SLC24A4: variants seen among roughly 807,000 people sequenced by gnomAD.
SLC24A4 encodes the protein sodium/potassium/calcium exchanger 4.
In SLC24A4, 53 loss-of-function variants were observed where a neutral mutation model predicts 79.0. That is an observed-to-expected ratio of 0.67 (90% CI 0.54 to 0.84). SLC24A4 has a LOEUF of 0.84. SLC24A4 is among the 40% of genes least tolerant of loss of function. The pLI is 0.00. For missense variants in SLC24A4, 731 were observed against 822.0 expected, an observed-to-expected ratio of 0.89 and a Z score of 1.35; for synonymous variants, 323 against 323.8, an observed-to-expected ratio of 1.00 and a Z score of 0.03.
At position 92,363,376 on chromosome 14, in the gene SLC24A4, C is replaced by T. The variant is rs145448834; in HGVS notation, c.241+37398C>T. Among the ~76,000 whole-genome samples the T allele has an allele frequency of 4.1e-3, 631 of 152,358 alleles. 4 individuals carry two copies. The highest frequency in any genetic ancestry group is 0.014 in the African/African-American group (592 of 41,592). ...CCAGGCCAGCCTGTGTGCCATGGTC[C>T]ACTGGCTACCAGCAGATGGCCAATG... On this transcript the variant is annotated intron_variant, in intron 2 of 16. Transcript: ENST00000532405.
At chr14:92,473,868 T>C (rs1356165290) in intron 12 of SLC24A4, among the ~76,000 whole-genome samples, 1 of 152,220 alleles carries the variant, frequency 6.6e-6, no homozygotes, top group Non-Finnish European at 1.5e-5. Flanking sequence ...CTTGGGCTAG[T>C]CACAGGCAGG....
At chr14:92,438,855 C>T (rs570490965) in intron 3 of SLC24A4, among the ~76,000 whole-genome samples, 1 of 152,150 alleles carries the variant, frequency 6.6e-6, no homozygotes, top group Admixed American at 6.5e-5. Context: ...CTCTCTCCTC[C>T]CTGGAGGTTG....
chr14:92,409,572 C>T (rs1025463428), intron 2 of SLC24A4, among the ~76,000 whole-genome samples: 1 of 152,160 alleles, frequency 6.6e-6, no homozygotes, highest in Non-Finnish European at 1.5e-5. Context: ...GCCCATGTCA[C>T]CAGCATCCAG....
intron 2 of SLC24A4, among the ~76,000 whole-genome samples, chr14:92,431,558 T>C (rs1891871375): frequency 6.6e-6 from 1 of 152,212 alleles, no homozygotes; most frequent in African/African-American, 2.4e-5. Flanking sequence ...TGGAGCAGAC[T>C]GATCCCGGCT....
intron 10 of SLC24A4, among the ~76,000 whole-genome samples, 200 bp downstream of exon 10, chr14:92,449,416 G>T (rs1377720005): frequency 6.6e-6 from 1 of 152,132 alleles, no homozygotes; most frequent in Admixed American, 6.5e-5. Flanking sequence ...GGGAGATGGG[G>T]TTTGCTTAGG....
chr14:92,371,826 G>A (rs1361773408), intron 2 of SLC24A4, among the ~76,000 whole-genome samples: 1 of 152,206 alleles, frequency 6.6e-6, no homozygotes. Context: ...ACACTCATTA[G>A]GTCTGTTCCA....
rs535655088 is a variant in SLC24A4 at position 92,406,183 on chromosome 14, C to T, written c.242-27729C>T. Among the ~76,000 whole-genome samples, 170 of 152,344 alleles carry T rather than the reference C, an allele frequency of 1.1e-3. 1 individual carries two copies. Among genetic ancestry groups the T allele is most frequent in the African/African-American group, 3.8e-3 (160 of 41,576 alleles). On this transcript the variant is annotated intron_variant, in intron 2 of 16. Coordinates refer to ENST00000532405, the MANE Select transcript of SLC24A4 (RefSeq NM_153646.4). ...AGCTCCAAAATAATCTCCTTTGACTCTATGTCTCACATCTAGGGCATACTA... is the reference window on the plus strand; with the variant it reads ...AGCTCCAAAATAATCTCCTTTGACTTTATGTCTCACATCTAGGGCATACTA...
chr14:92,374,025 CAAATGATATAA>C (rs1888356936), intron 2 of SLC24A4, among the ~76,000 whole-genome samples: 1 of 152,170 alleles, frequency 6.6e-6, no homozygotes, highest in Admixed American at 6.5e-5. Context: ...GACTCTTTTT[CAAATGATATAA>C]CCACCATATT....
In SLC24A4 at chr14:92,453,882, C is replaced by A; in HGVS notation, c.881-18C>A. 1 of 1,597,358 alleles carries A rather than the reference C, an allele frequency of 6.3e-7. No homozygotes were observed. The highest frequency in any genetic ancestry group is 1.3e-5 in the African/African-American group (1 of 74,162). On this transcript the variant is annotated intron_variant, in intron 10 of 16. Transcript: ENST00000532405. Reference sequence around the variant, plus strand: ...TCCTCAGAGAGATCAGCACTAATCACGGTGTTGCGCTCAACAGTGAAGGAG... The same window carrying A: ...TCCTCAGAGAGATCAGCACTAATCAAGGTGTTGCGCTCAACAGTGAAGGAG...
intron 14 of SLC24A4, among the ~76,000 whole-genome samples, chr14:92,489,253 C>A (rs1373483972): frequency 6.6e-6 from 1 of 151,950 alleles, no homozygotes; most frequent in East Asian, 1.9e-4. Flanking sequence ...GCCTGGCCAA[C>A]ATGGTGAAAC....
At chr14:92,424,743 A>G (rs1891476134) in intron 2 of SLC24A4, among the ~76,000 whole-genome samples, 1 of 152,022 alleles carries the variant, frequency 6.6e-6, no homozygotes. Context: ...GGATGTGGGT[A>G]TGGTGGCACA....
At position 92,494,266 on chromosome 14, in the gene SLC24A4, C is replaced by T. The variant is rs1484990870; in HGVS notation, c.*638C>T. 1.3e-5 allele frequency: 2 copies of T among 152,672 alleles called. No homozygotes were observed. The highest frequency in any genetic ancestry group is 4.8e-5 in the African/African-American group (2 of 41,444). The allele number at this position is 152,672 out of a possible 1,614,324, so 9.5% of individuals were successfully genotyped here. A position where few individuals can be genotyped will look rare whatever the true frequency, so the allele number is the denominator to read the frequency against. ...GGAAGAGAGAAAATGAGTGAATATTCTTCTCACTTTTATTGATGCATTCAG... is the reference window on the plus strand; with the variant it reads ...GGAAGAGAGAAAATGAGTGAATATTTTTCTCACTTTTATTGATGCATTCAG... On this transcript the variant is annotated 3_prime_UTR_variant, in exon 17 of 17. Coordinates refer to ENST00000532405, the MANE Select transcript of SLC24A4 (RefSeq NM_153646.4). This position sits in a 1 kb window ranked among gnomAD's most constrained non-coding sequence, Gnocchi z 4.6.
Position 92,492,157 on chromosome 14 carries a change from G to T in SLC24A4, c.1651-18G>T, listed in dbSNP as rs773094509. 6.2e-7 allele frequency: 1 copy of T among 1,606,378 alleles called. No homozygotes were observed. Among genetic ancestry groups the T allele is most frequent in the Non-Finnish European group, 8.5e-7 (1 of 1,177,618 alleles). ...TGAGCAGTCAAGAGACTCAGGGCAC[G>T]TGTGTTTGATTTTCCAGGTGAAGAT... On this transcript the variant is annotated intron_variant, in intron 15 of 16. Coordinates refer to ENST00000532405, the MANE Select transcript of SLC24A4 (RefSeq NM_153646.4).
chr14:92,478,899 C>A (rs2139913743), intron 12 of SLC24A4, among the ~76,000 whole-genome samples: 1 of 152,262 alleles, frequency 6.6e-6, no homozygotes. Context: ...TAGTTTTCAG[C>A]ATACAAATTC....
At chr14:92,476,653 T>C (rs1894783561) in intron 12 of SLC24A4, among the ~76,000 whole-genome samples, 1 of 152,170 alleles carries the variant, frequency 6.6e-6, no homozygotes, top group Non-Finnish European at 1.5e-5. Flanking sequence ...CAATATATAA[T>C]TCTAGAATAT....
At chr14:92,406,888 G>T (rs1205463653) in intron 2 of SLC24A4, among the ~76,000 whole-genome samples, 1 of 152,206 alleles carries the variant, frequency 6.6e-6, no homozygotes, top group African/African-American at 2.4e-5. Context: ...GATTTCCGCA[G>T]CTGGCTTAAA....
intron 2 of SLC24A4, among the ~76,000 whole-genome samples, chr14:92,388,743 C>T (rs899749262): frequency 5.9e-5 from 9 of 152,262 alleles, no homozygotes; most frequent in Non-Finnish European, 8.8e-5. Flanking sequence ...AGGTCATGAC[C>T]GCAGGACTTG....
intron 12 of SLC24A4, among the ~76,000 whole-genome samples, chr14:92,468,115 A>G (rs1459616351): frequency 1.3e-5 from 2 of 152,218 alleles, no homozygotes; most frequent in Non-Finnish European, 2.9e-5. Flanking sequence ...TTGTATTTTA[A>G]CACCTTAGTC....
chr14:92,492,894 G>C (rs1364784646), intron 16 of SLC24A4: 5 of 454,616 alleles, frequency 1.1e-5, no homozygotes, highest in African/African-American at 1.0e-4. Flanking sequence ...GGAAGGCAGT[G>C]GAAGGAAAGA....
Sources: allele counts gnomAD v4.1 joint callset (sites outside exome capture counted in the v4.1 genomes callset), GRCh38; gene constraint gnomAD v4.1.1; non-coding constraint Gnocchi (gnomAD v3.1); transcripts MANE v1.5; gene names NCBI Gene and HGNC (gene_info 2026-07-23, HGNC 2026-07-21).